SCRN1: variants seen among roughly 807,000 people sequenced by gnomAD.
The protein encoded by SCRN1 is secernin-1.
In SCRN1, 19 loss-of-function variants were observed where a neutral mutation model predicts 43.3. That is an observed-to-expected ratio of 0.44 (90% confidence interval 0.31 to 0.64). SCRN1 has a LOEUF of 0.64. Ranked by LOEUF, SCRN1 falls within the 30% of genes least tolerant of loss-of-function variation. The probability of loss-of-function intolerance (pLI) is 0.09; values close to 1 mark genes in which losing one functional copy is unlikely to be tolerated. For synonymous variants in SCRN1, 183 were observed against 188.9 expected, an observed-to-expected ratio of 0.97 and a Z score of 0.26; for missense variants, 447 against 524.1, an observed-to-expected ratio of 0.85 and a Z score of 1.44.
chr7:29,967,028 C>T (rs1427677544), intron 2 of SCRN1, among the ~76,000 whole-genome samples: 1 of 151,452 alleles, frequency 6.6e-6, no homozygotes, highest in Non-Finnish European at 1.5e-5. Context: ...CTATTTGAAA[C>T]CAAGCACAAT....
At chr7:29,943,911 T>C in intron 4 of SCRN1, 66 bp downstream of exon 4, 1 of 1,464,320 alleles carries the variant, frequency 6.8e-7, no homozygotes. Flanking sequence ...ACACTGTACG[T>C]GCAGGCCACC....
chr7:29,942,755 A>G (rs961197580), intron 4 of SCRN1, among the ~76,000 whole-genome samples: 49 of 152,252 alleles, frequency 3.2e-4, no homozygotes, highest in Middle Eastern at 6.8e-3. Flanking sequence ...GACGGACACC[A>G]CTAGCCCATT....
chr7:29,949,763 C>T (rs1787856712), intron 3 of SCRN1, among the ~76,000 whole-genome samples: 1 of 152,138 alleles, frequency 6.6e-6, no homozygotes, highest in Admixed American at 6.5e-5. Context: ...CAGCCCTGAC[C>T]TCTTGGACTC....
At chr7:29,930,550 C>CCCA (rs1413600051) in intron 6 of SCRN1, among the ~76,000 whole-genome samples, 4 of 152,224 alleles carry the variant, frequency 2.6e-5, no homozygotes, top group Non-Finnish European at 5.9e-5. Flanking sequence ...ATACACCCAA[C>CCCA]CGTGTCCAGC....
chr7:29,939,447 C>G (rs1787456870), intron 5 of SCRN1, among the ~76,000 whole-genome samples: 1 of 152,120 alleles, frequency 6.6e-6, no homozygotes, highest in Admixed American at 6.6e-5. Flanking sequence ...AACTCCTAGC[C>G]TCAAGTGATC....
intron 6 of SCRN1, 127 bp downstream of exon 6, chr7:29,936,429 G>T: frequency 3.9e-6 from 3 of 778,604 alleles, no homozygotes; most frequent in Non-Finnish European, 5.9e-6. Context: ...CCACACTGAA[G>T]CTGACTGAAA....
intron 3 of SCRN1, 141 bp downstream of exon 3, chr7:29,955,038 T>G: frequency 1.4e-6 from 1 of 691,214 alleles, no homozygotes; most frequent in Non-Finnish European, 2.4e-6. Flanking sequence ...ATTTATCTCA[T>G]CATCTTAAAG....
chr7:29,974,455 G>C (rs1788748252), intron 1 of SCRN1, among the ~76,000 whole-genome samples: 1 of 151,940 alleles, frequency 6.6e-6, no homozygotes, highest in African/African-American at 2.4e-5. Context: ...TGTCCACATG[G>C]GAAAAGAAAA....
chr7:29,986,747 C>T (rs1251382880), intron 1 of SCRN1, among the ~76,000 whole-genome samples: 5 of 108,274 alleles, frequency 4.6e-5, no homozygotes, highest in Non-Finnish European at 6.9e-5. Context: ...TTTTTTGAGA[C>T]GGAGTCTCGC....
Position 29,926,669 on chromosome 7 carries a change from G to A in SCRN1, c.906-37C>T, listed in dbSNP as rs756892701. On this transcript the variant is annotated intron_variant, in intron 6 of 7. Transcript: ENST00000242059. Reference sequence around the variant, plus strand: ...GGAGAGGCACTTCAGCCAGGCAGAGGCTGGGACCCGGGAACACCCAGAGAC... The same window carrying A: ...GGAGAGGCACTTCAGCCAGGCAGAGACTGGGACCCGGGAACACCCAGAGAC... 1.9e-6 allele frequency: 3 copies of A among 1,595,222 alleles called. No homozygotes were observed. The East Asian group carries it at 6.7e-5, about 36-fold the overall frequency.
At chr7:29,971,928 C>T (rs933255271) in intron 1 of SCRN1, among the ~76,000 whole-genome samples, 1 of 152,176 alleles carries the variant, frequency 6.6e-6, no homozygotes, top group African/African-American at 2.4e-5. Flanking sequence ...GGAGCCCCCA[C>T]AATTCTGAAA....
chr7:29,970,986 C>A (rs1011419263), intron 1 of SCRN1, among the ~76,000 whole-genome samples: 2 of 152,160 alleles, frequency 1.3e-5, no homozygotes, highest in Non-Finnish European at 2.9e-5. Flanking sequence ...GCCATCCAAC[C>A]ATAGTAGCCC....
rs1222415538 is a variant in SCRN1, at chr7:29,989,661, GCTCCGCT to G, written c.-28_-22del. On this transcript the variant is annotated 5_prime_UTR_variant, in exon 1 of 8. Transcript: ENST00000242059. ...GCTCACCTGGGGCGGCGGGCTCCGG[GCTCCGCT>G]CTCCGCTCTGCGGTGCTGAGGCTGC... The G allele has an allele frequency of 2.0e-6, 2 of 985,570 alleles. No homozygotes were observed. The highest frequency in any genetic ancestry group is 4.7e-5 in the South Asian group (1 of 21,302). The allele number at this position is 985,570 out of a possible 1,614,324, so 61.1% of individuals were successfully genotyped here. A position where few individuals can be genotyped will look rare whatever the true frequency, so the allele number is the denominator to read the frequency against.
intron 1 of SCRN1, among the ~76,000 whole-genome samples, chr7:29,971,454 G>A (rs1236351199): frequency 2.0e-5 from 3 of 152,038 alleles, no homozygotes; most frequent in African/African-American, 7.2e-5. Context: ...ACAACATGGA[G>A]AGACCCTGTT....
At chr7:29,935,371 G>A (rs1247632089) in intron 6 of SCRN1, among the ~76,000 whole-genome samples, 3 of 152,184 alleles carry the variant, frequency 2.0e-5, no homozygotes, top group Non-Finnish European at 4.4e-5. Context: ...AGTAAAAGGA[G>A]AATAAATATT....
At chr7:29,942,443 T>C (rs1787588356) in intron 4 of SCRN1, among the ~76,000 whole-genome samples, 1 of 152,244 alleles carries the variant, frequency 6.6e-6, no homozygotes, top group Non-Finnish European at 1.5e-5. Flanking sequence ...GAAGAGACGC[T>C]CAGCTTTTGA....
chr7:29,959,992 G>T (rs1788253794), intron 2 of SCRN1, among the ~76,000 whole-genome samples: 2 of 111,100 alleles, frequency 1.8e-5, no homozygotes, highest in Non-Finnish European at 3.6e-5. Flanking sequence ...AAGAAAGGAA[G>T]GAAAGGAAGG....
At chr7:29,988,303 G>A (rs1789227805) in intron 1 of SCRN1, among the ~76,000 whole-genome samples, 1 of 152,190 alleles carries the variant, frequency 6.6e-6, no homozygotes, top group Non-Finnish European at 1.5e-5. Context: ...GTTGAGCCTG[G>A]AGAAAATCAT....
chr7:29,963,106 T>C (rs920318024), intron 2 of SCRN1, among the ~76,000 whole-genome samples: 3 of 152,126 alleles, frequency 2.0e-5, no homozygotes, highest in Non-Finnish European at 2.9e-5. Flanking sequence ...AGTGCTTTCA[T>C]GCATCAGCTC....
Sources: allele counts gnomAD v4.1 joint callset (sites outside exome capture counted in the v4.1 genomes callset), GRCh38; gene constraint gnomAD v4.1.1; transcripts MANE v1.5; gene names NCBI Gene and HGNC (gene_info 2026-07-23, HGNC 2026-07-21).